The following DTNA variants were observed in gnomAD, a reference collection of about 807,000 sequenced individuals.
DTNA encodes the protein dystrobrevin alpha.
In DTNA, 43 loss-of-function variants were observed where a neutral mutation model predicts 100.7. The ratio of observed to expected loss-of-function variants is 0.43; its 90% CI spans 0.33 to 0.55. The LOEUF (loss-of-function observed/expected upper bound fraction) is 0.55. Among genes scored for constraint, DTNA ranks in the 20% least tolerant of loss-of-function variants. The pLI is 0.04. For missense variants in DTNA, 798 were observed against 953.9 expected (o/e 0.84, Z 2.15); for synonymous variants, 349 against 347.9 (o/e 1.00, Z -0.04).
intron 17 of DTNA, among the ~76,000 whole-genome samples, chr18:34,864,538 C>T (rs1345724680): frequency 3.3e-5 from 5 of 152,178 alleles, no homozygotes; most frequent in Admixed American, 2.6e-4. Context: ...CAGGCGTGAG[C>T]CACCGCGCCC....
intron 2 of DTNA, among the ~76,000 whole-genome samples, chr18:34,760,742 T>A (rs532245944): frequency 2.0e-5 from 3 of 152,164 alleles, no homozygotes; most frequent in Non-Finnish European, 4.4e-5. Flanking sequence ...TGTGCCTCAT[T>A]TTGTCGCTAG....
chr18:34,560,147 C>G (rs144584810), intron 1 of DTNA, among the ~76,000 whole-genome samples: 1 of 152,170 alleles, frequency 6.6e-6, no homozygotes, highest in African/African-American at 2.4e-5. Flanking sequence ...TAAACTTTCC[C>G]TAATCATCCT....
chr18:34,828,900 G>C, intron 10 of DTNA: 1 of 921,728 alleles, frequency 1.1e-6, no homozygotes, highest in Non-Finnish European at 1.7e-6. Flanking sequence ...ATCTGTAAAA[G>C]ACACAGGTCT....
At chr18:34,605,784 G>A (rs575990079) in intron 1 of DTNA, among the ~76,000 whole-genome samples, 1 of 152,198 alleles carries the variant, frequency 6.6e-6, no homozygotes, top group African/African-American at 2.4e-5. Flanking sequence ...TTTACCTTGA[G>A]TGGTTTTAAT....
At chr18:34,833,352 T>C (rs1410476368) in intron 11 of DTNA, among the ~76,000 whole-genome samples, 1 of 152,090 alleles carries the variant, frequency 6.6e-6, no homozygotes, top group African/African-American at 2.4e-5. Context: ...ATTTTTTTAA[T>C]AAGTATGAAA....
rs2095358071 is a variant in DTNA at position 34,806,208 on chromosome 18, C to T, written c.363-11C>T. ...TTTTGTTTTTGTTTTTTTTCTATTA[C>T]CATTAAACAGGGAAGGCCATGGTAA... On this transcript the variant is annotated splice_polypyrimidine_tract_variant and intron_variant, in intron 4 of 22. Coordinates refer to ENST00000444659, the MANE Select transcript of DTNA (RefSeq NM_001386795.1). 6.2e-7 allele frequency: 1 copy of T among 1,611,828 alleles called. No individual in the cohort carries two copies. The highest frequency in any genetic ancestry group is 1.3e-5 in the African/African-American group (1 of 74,782).
Position 34,807,856 on chromosome 18 carries a change from CT to C in DTNA, c.448+1563del, listed in dbSNP as rs1190591730. On this transcript the variant is annotated intron_variant, in intron 5 of 22. Transcript: ENST00000444659. ...GCTGACACCGAGGGCTTTTTTTTTT[CT>C]TTTTTTTTTTCAAAAAAAAAGAAAA... Among the ~76,000 whole-genome samples, 433 of 102,720 alleles carry C rather than the reference CT, an allele frequency of 4.2e-3. 2 individuals are homozygous for C. Among genetic ancestry groups the C allele is most frequent in the African/African-American group, 0.015 (402 of 26,982 alleles). The allele number at this position is 102,720 out of a possible 152,430, so 67.4% of individuals were successfully genotyped here.
chr18:34,764,075 A>G (rs2093343656), intron 2 of DTNA, among the ~76,000 whole-genome samples: 1 of 152,218 alleles, frequency 6.6e-6, no homozygotes, highest in African/African-American at 2.4e-5. Context: ...AACTAGATCA[A>G]ATAGGTTGAA....
intron 4 of DTNA, among the ~76,000 whole-genome samples, chr18:34,804,591 A>G (rs541358906): frequency 6.0e-4 from 91 of 152,278 alleles, no homozygotes; most frequent in African/African-American, 1.6e-3. Flanking sequence ...CTCAGGATTC[A>G]TTTTCAGGTA....
chr18:34,552,607 C>T (rs2045558590), intron 1 of DTNA, among the ~76,000 whole-genome samples: 1 of 149,096 alleles, frequency 6.7e-6, no homozygotes, highest in South Asian at 2.1e-4. Flanking sequence ...CAATTCCCAC[C>T]TATGGTGAGA....
intron 7 of DTNA, 67 bp from the exon 8 acceptor site, chr18:34,818,097 T>C (rs2095635408): frequency 6.2e-7 from 1 of 1,612,502 alleles, no homozygotes; most frequent in Non-Finnish European, 8.5e-7. Flanking sequence ...CCTGTAAGGC[T>C]GTATTTTTCC....
intron 1 of DTNA, among the ~76,000 whole-genome samples, chr18:34,609,683 C>A (rs1235244948): frequency 6.6e-6 from 1 of 152,088 alleles, no homozygotes; most frequent in Admixed American, 6.6e-5. Context: ...TCTTTTATAA[C>A]CCTTATCTCA....
chr18:34,791,584 A>C (rs2094744387), intron 3 of DTNA, among the ~76,000 whole-genome samples: 1 of 152,238 alleles, frequency 6.6e-6, no homozygotes, highest in Non-Finnish European at 1.5e-5. Context: ...GAGTTGGATA[A>C]ATAACACCAA....
At chr18:34,508,579 T>C (rs1324058542) in intron 1 of DTNA, among the ~76,000 whole-genome samples, 2 of 152,210 alleles carry the variant, frequency 1.3e-5, no homozygotes, top group Non-Finnish European at 2.9e-5. Context: ...TAAAATGTTT[T>C]ATGATGGTGC....
chr18:34,875,054 A>T (rs1339058318), intron 17 of DTNA, among the ~76,000 whole-genome samples, 185 bp from the exon 18 acceptor site: 1 of 152,240 alleles, frequency 6.6e-6, no homozygotes, highest in Non-Finnish European at 1.5e-5. Flanking sequence ...TTCAGATTAC[A>T]TACAATAAGG....
At chr18:34,543,901 C>T (rs1401729956) in intron 1 of DTNA, among the ~76,000 whole-genome samples, 2 of 152,058 alleles carry the variant, frequency 1.3e-5, no homozygotes, top group African/African-American at 4.8e-5. Flanking sequence ...GCCTGAGCTA[C>T]AGCAATCAGG....
intron 1 of DTNA, among the ~76,000 whole-genome samples, chr18:34,570,280 A>G (rs2047465176): frequency 1.3e-5 from 2 of 152,200 alleles, no homozygotes; most frequent in African/African-American, 2.4e-5. Context: ...TAGGCACTCA[A>G]TAAAAGTGAT....
At chr18:34,857,629 T>C (rs1182565779) in intron 15 of DTNA, among the ~76,000 whole-genome samples, 3 of 152,184 alleles carry the variant, frequency 2.0e-5, no homozygotes, top group East Asian at 3.9e-4. Flanking sequence ...TGTCACAGAC[T>C]CAATTACTGT....
At chr18:34,496,137 C>T (rs1036554678) in intron 1 of DTNA, among the ~76,000 whole-genome samples, 16 of 151,406 alleles carry the variant, frequency 1.1e-4, no homozygotes, top group South Asian at 2.1e-4. Context: ...CTAAACGGCA[C>T]GGAAACATGA....
Sources: gnomAD v4.1 joint callset for allele counts (sites outside exome capture counted in the v4.1 genomes callset) on GRCh38, gnomAD v4.1.1 for gene constraint, MANE v1.5 for transcripts, NCBI Gene and HGNC (gene_info 2026-07-23, HGNC 2026-07-21) for gene names.